Variants in OPRM1 observed in about 807,000 individuals in gnomAD.
OPRM1 encodes mu-type opioid receptor.
Under a neutral mutation model 31.8 loss-of-function variants are expected in OPRM1, and 27 were observed. The ratio of observed to expected loss-of-function variants is 0.85; its 90% CI spans 0.63 to 1.17. OPRM1 has a LOEUF of 1.17. Among genes scored for constraint, OPRM1 ranks in the 50% most tolerant of loss-of-function variants. The pLI, the probability that OPRM1 is intolerant of heterozygous loss-of-function variation, is 0.00. For synonymous variants in OPRM1, 196 were observed against 189.9 expected (o/e 1.03, Z -0.26); for missense variants, 536 against 511.1 (o/e 1.05, Z -0.47).
At chr6:154,082,654 A>G (rs983708531) in intron 1 of OPRM1, among the ~76,000 whole-genome samples, 1 of 152,204 alleles carries the variant, frequency 6.6e-6, no homozygotes, top group African/African-American at 2.4e-5. Context: ...AAATTCCCAG[A>G]TCATAAAATA....
intron 3 of OPRM1, among the ~76,000 whole-genome samples, chr6:154,235,568 T>C (rs1780066448): frequency 6.6e-6 from 1 of 151,176 alleles, no homozygotes; most frequent in Non-Finnish European, 1.5e-5. Context: ...AAGACAAAGT[T>C]AAGTCTTTTA....
intron 3 of OPRM1, among the ~76,000 whole-genome samples, chr6:154,100,889 ATATG>A (rs904785717): frequency 4.0e-5 from 6 of 148,492 alleles, no homozygotes; most frequent in Admixed American, 1.4e-4. Flanking sequence ...ATATAAATAT[ATATG>A]TATATATAAT....
upstream of OPRM1, among the ~76,000 whole-genome samples, chr6:154,037,368 A>C (rs1214590478): frequency 6.6e-6 from 1 of 151,968 alleles, no homozygotes; most frequent in Admixed American, 6.5e-5. Flanking sequence ...TAAAAAAAAA[A>C]AAAAGGGACT....
intron 3 of OPRM1, among the ~76,000 whole-genome samples, chr6:154,137,636 C>A (rs1218291269): frequency 6.6e-6 from 1 of 152,060 alleles, no homozygotes; most frequent in African/African-American, 2.4e-5. Flanking sequence ...TCTTACAAAT[C>A]AAAATGAAAG....
intron 3 of OPRM1, among the ~76,000 whole-genome samples, chr6:154,245,973 C>T (rs912277117): frequency 6.6e-6 from 1 of 152,168 alleles, no homozygotes; most frequent in Non-Finnish European, 1.5e-5. Flanking sequence ...AACTAGGCAA[C>T]TATCTTTTCA....
At chr6:154,136,239 T>G (rs1481357143), downstream of OPRM1, among the ~76,000 whole-genome samples, 1 of 152,082 alleles carries the variant, frequency 6.6e-6, no homozygotes, top group African/African-American at 2.4e-5. Flanking sequence ...CTAGTTCTGT[T>G]TTCTGGGGCT....
At chr6:154,140,326 TA>T (rs1198512738) in intron 3 of OPRM1, among the ~76,000 whole-genome samples, 1 of 122,994 alleles carries the variant, frequency 8.1e-6, no homozygotes, top group Non-Finnish European at 1.8e-5. Flanking sequence ...CCGTTTATGT[TA>T]TTTTATTTTT....
At chr6:154,026,061 T>G (rs1778678331) in intron 1 of OPRM1, among the ~76,000 whole-genome samples, 1 of 152,178 alleles carries the variant, frequency 6.6e-6, no homozygotes, top group South Asian at 2.1e-4. Context: ...GATTTCTTTT[T>G]GTTCATTAAT....
chr6:154,086,778 G>C, intron 1 of OPRM1: 1 of 985,394 alleles, frequency 1.0e-6, no homozygotes, highest in Non-Finnish European at 1.2e-6. Context: ...TGCTGGGTAG[G>C]AAAGTGGCAA....
chr6:154,023,763 A>G (rs536309791), intron 1 of OPRM1, among the ~76,000 whole-genome samples: 1 of 152,202 alleles, frequency 6.6e-6, no homozygotes, highest in African/African-American at 2.4e-5. Flanking sequence ...ATGAAGGAAT[A>G]TTGAATTTTA....
Position 154,123,170 on chromosome 6 carries a change from T to C in OPRM1, c.*4449T>C, listed in dbSNP as rs1797395753. Among the ~76,000 whole-genome samples, 1 of 152,214 alleles carries C rather than the reference T, an allele frequency of 6.6e-6. No homozygotes were observed. Among genetic ancestry groups the C allele is most frequent in the Non-Finnish European group, 1.5e-5 (1 of 68,024 alleles). ...AACTTCTCTTATCTGAAAAGCTGTC[T>C]GTACAACTGCCTCTATCTATGCAGC... On this transcript the variant is annotated 3_prime_UTR_variant, in exon 4 of 4. Transcript: ENST00000330432.
At chr6:154,205,015 C>T (rs898112335) in intron 3 of OPRM1, among the ~76,000 whole-genome samples, 2 of 152,118 alleles carry the variant, frequency 1.3e-5, no homozygotes, top group East Asian at 1.9e-4. Flanking sequence ...GTTGGGTGGA[C>T]GGCCTCCTTC....
upstream of OPRM1, among the ~76,000 whole-genome samples, chr6:154,037,270 G>T (rs935688812): frequency 2.6e-5 from 4 of 151,552 alleles, no homozygotes; most frequent in Non-Finnish European, 4.4e-5. Context: ...TTTAGTATTT[G>T]TGGAACTGGC....
At chr6:154,221,883 A>G (rs1478073251) in intron 3 of OPRM1, among the ~76,000 whole-genome samples, 1 of 152,222 alleles carries the variant, frequency 6.6e-6, no homozygotes, top group Admixed American at 6.5e-5. Context: ...CAAAAAACAA[A>G]TAAATAAATA....
intron 3 of OPRM1, among the ~76,000 whole-genome samples, chr6:154,188,332 ATTT>A (rs1801565551): frequency 6.6e-6 from 1 of 152,244 alleles, no homozygotes; most frequent in Admixed American, 6.5e-5. Flanking sequence ...AAATTGTGAA[ATTT>A]ATTATAAGAT....
intron 3 of OPRM1, among the ~76,000 whole-genome samples, chr6:154,137,716 T>C (rs1180605428): frequency 6.6e-6 from 1 of 152,178 alleles, no homozygotes; most frequent in East Asian, 1.9e-4. Flanking sequence ...ATGTTTTATA[T>C]ACCATGAGAG....
intron 3 of OPRM1, among the ~76,000 whole-genome samples, chr6:154,211,180 G>T (rs542343293): frequency 9.9e-5 from 15 of 152,252 alleles, no homozygotes; most frequent in African/African-American, 1.4e-4. Context: ...ACTTTGGGAG[G>T]CCGAGGCAGG....
At chr6:154,237,448 T>C (rs1466408845) in intron 3 of OPRM1, among the ~76,000 whole-genome samples, 1 of 152,244 alleles carries the variant, frequency 6.6e-6, no homozygotes. Flanking sequence ...CCATTCCTGG[T>C]ATCTGAAAAT....
At chr6:154,023,520 T>G (rs1285577603) in intron 1 of OPRM1, among the ~76,000 whole-genome samples, 1 of 152,166 alleles carries the variant, frequency 6.6e-6, no homozygotes, top group Non-Finnish European at 1.5e-5. Flanking sequence ...GACTTCTTTT[T>G]TTCCAATTTG....
Sources: allele counts gnomAD v4.1 joint callset (sites outside exome capture counted in the v4.1 genomes callset), GRCh38; gene constraint gnomAD v4.1.1; transcripts MANE v1.5; gene names NCBI Gene and HGNC (gene_info 2026-07-23, HGNC 2026-07-21).